The following DGUOK variants were observed in gnomAD, a reference collection of about 807,000 sequenced individuals.
DGUOK encodes the protein deoxyguanosine kinase.
In DGUOK, 30 loss-of-function variants were observed where a neutral mutation model predicts 36.6. The ratio of observed to expected loss-of-function variants is 0.82; its 90% CI spans 0.61 to 1.11. The LOEUF (loss-of-function observed/expected upper bound fraction) is 1.11, where lower values mean the gene tolerates loss of function less well. Ranked by LOEUF, DGUOK falls within the 50% of genes most tolerant of loss-of-function variation. The pLI is 0.00. For missense variants in DGUOK, 361 were observed against 336.4 expected (o/e 1.07, Z -0.57); for synonymous variants, 145 against 126.3 (o/e 1.15, Z -0.99).
At chr2:73,956,974 T>TGGTC in intron 4 of DGUOK, 151 bp from the exon 5 acceptor site, 1 of 528,408 alleles carries the variant, frequency 1.9e-6, no homozygotes, top group Non-Finnish European at 3.5e-6. Context: ...GTAGATCCTC[T>TGGTC]GATTGCATAA....
Position 73,957,391 on chromosome 2 carries a change from T to G in DGUOK, c.707+151T>G, listed in dbSNP as rs1683191348. 10 of 709,010 alleles carry G rather than the reference T, an allele frequency of 1.4e-5. No individual in the cohort carries two copies. The South Asian group carries it at 1.5e-4, about 11-fold the overall frequency. 43.9% of individuals were successfully genotyped at this position (709,010 alleles called of 1,614,324 possible). On this transcript the variant is annotated intron_variant, in intron 5 of 6. Coordinates refer to ENST00000264093, the MANE Select transcript of DGUOK (RefSeq NM_080916.3). ...GTCAAGCATTTTCCAACTCAGAAGT[T>G]TAATATTGCTGGACACCGTGGCTCA... is the stretch of plus-strand genomic sequence containing the variant.
In DGUOK at chr2:73,926,921, G is replaced by T. The variant is rs746100266; in HGVS notation, c.11G>T (p.Gly4Val). 10 of 1,613,310 alleles carry T rather than the reference G, an allele frequency of 6.2e-6. No homozygotes were observed. The highest frequency in any genetic ancestry group is 1.6e-4 in the Middle Eastern group (1 of 6,084). The part of the protein sequence containing the change: MAA[G>V]RLFLSRLRAP... The stretch of plus-strand genomic sequence containing the variant: ...TGAATCGTGGGTGGGATGGCCGCGG[G>T]CCGCCTCTTTCTAAGTCGGCTTCGA... The change falls in exon 1 of 7, where the codon GGC (glycine) becomes GTC (valine). Residue 4 changes from glycine to valine, a missense_variant. Transcript: ENST00000264093.
chr2:73,943,867 G>A (rs1255342376), intron 2 of DGUOK, among the ~76,000 whole-genome samples: 1 of 152,030 alleles, frequency 6.6e-6, no homozygotes, highest in African/African-American at 2.4e-5. Flanking sequence ...GACTGGTCTC[G>A]AATTCCTAAC....
intron 1 of DGUOK, among the ~76,000 whole-genome samples, chr2:73,934,539 G>A (rs192559155): frequency 6.6e-6 from 1 of 152,094 alleles, no homozygotes; most frequent in African/African-American, 2.4e-5. Context: ...GATCACCTGA[G>A]GTCAGGAGTT....
chr2:73,957,191 G>C lies in DGUOK; in HGVS notation c.658G>C (p.Glu220Gln), dbSNP rs863223948. 6.2e-7 allele frequency: 1 copy of C among 1,614,172 alleles called. No homozygotes were observed. Among genetic ancestry groups the C allele is most frequent in the Non-Finnish European group, 8.5e-7 (1 of 1,180,030 alleles). The stretch of plus-strand genomic sequence containing the variant: ...GAAAGGAATTGAGCTGGCCTATCTA[G>C]AGCAGCTGCATGGCCAACACGAAGC... ...EEKGIELAYL[E>Q]QLHGQHEAWL... The change falls in exon 5 of 7, where the codon GAG (glutamate) becomes CAG (glutamine). Residue 220 changes from glutamate to glutamine, a missense_variant. Transcript: ENST00000264093.
intron 5 of DGUOK, 149 bp downstream of exon 5, chr2:73,957,389 G>A: frequency 1.4e-6 from 1 of 711,586 alleles, no homozygotes; most frequent in South Asian, 1.5e-5. Context: ...CAACTCAGAA[G>A]TTTAATATTG....
intron 4 of DGUOK, among the ~76,000 whole-genome samples, chr2:73,951,492 T>A (rs1682701418): frequency 6.6e-6 from 1 of 152,146 alleles, no homozygotes; most frequent in South Asian, 2.1e-4. Context: ...TCTCAGCTTT[T>A]GAGATATACA....
At position 73,950,707 on chromosome 2, in the gene DGUOK, T is replaced by C. The variant is rs936143906; in HGVS notation, c.566T>C (p.Phe189Ser). 1.2e-6 allele frequency: 2 copies of C among 1,614,116 alleles called. No individual in the cohort carries two copies. Among genetic ancestry groups the C allele is most frequent in the Non-Finnish European group, 1.7e-6 (2 of 1,180,038 alleles). Residue 189 changes from phenylalanine to serine, a missense_variant, in exon 4 of 7, where the codon TTC (phenylalanine) becomes TCC (serine). Coordinates refer to ENST00000264093, the MANE Select transcript of DGUOK (RefSeq NM_080916.3). ...GCCAGCCGGATCACATTACATGGCT[T>C]CATCTACCTCCAGGCTTCTCCCCAG... ...EFASRITLHG[F>S]IYLQASPQVC... is the part of the protein sequence containing the mutation.
At chr2:73,957,959 CCT>C in intron 5 of DGUOK, 185 bp from the exon 6 acceptor site, 1 of 526,336 alleles carries the variant, frequency 1.9e-6, no homozygotes, top group Non-Finnish European at 3.5e-6. Flanking sequence ...TGAAGAGAAA[CCT>C]CAACCTTTCT....
chr2:73,953,509 T>C (rs892451230), intron 4 of DGUOK, among the ~76,000 whole-genome samples: 2 of 152,076 alleles, frequency 1.3e-5, no homozygotes, highest in African/African-American at 4.8e-5. Context: ...CCCATGTTTC[T>C]TCCCTGAAGT....
At chr2:73,936,611 C>G (rs1215896931) in intron 1 of DGUOK, among the ~76,000 whole-genome samples, 1 of 152,184 alleles carries the variant, frequency 6.6e-6, no homozygotes, top group Non-Finnish European at 1.5e-5. Flanking sequence ...AGGATGCCCC[C>G]CTTCTTTCCC....
intron 5 of DGUOK, 86 bp from the exon 6 acceptor site, chr2:73,958,060 T>C: frequency 9.8e-7 from 1 of 1,024,784 alleles, no homozygotes; most frequent in South Asian, 1.3e-5. Flanking sequence ...AGATCTGTTC[T>C]CTGAGTAAGA....
At chr2:73,956,977 T>C (rs1683146429) in intron 4 of DGUOK, 148 bp from the exon 5 acceptor site, 1 of 534,746 alleles carries the variant, frequency 1.9e-6, no homozygotes, top group Non-Finnish European at 3.5e-6. Flanking sequence ...GATCCTCTGA[T>C]TGCATAAGAA....
At chr2:73,943,316 C>T (rs921051383) in intron 2 of DGUOK, among the ~76,000 whole-genome samples, 24 of 79,694 alleles carry the variant, frequency 3.0e-4, no homozygotes, top group African/African-American at 9.1e-4. Context: ...TCCCCATCTA[C>T]TTAAAAATTT....
intron 2 of DGUOK, among the ~76,000 whole-genome samples, chr2:73,943,223 TC>T (rs1682026828): frequency 6.6e-6 from 1 of 152,164 alleles, no homozygotes; most frequent in Non-Finnish European, 1.5e-5. Flanking sequence ...TGATCATAGC[TC>T]ACTGCAGCCT....
intron 4 of DGUOK, among the ~76,000 whole-genome samples, chr2:73,954,390 C>T (rs1682934941): frequency 6.6e-6 from 1 of 151,108 alleles, no homozygotes; most frequent in South Asian, 2.1e-4. Context: ...GCAACTCAGG[C>T]CGGGCACGGT....
rs186314720 is a variant in DGUOK at position 73,936,778 on chromosome 2, T to C, written c.143-2132T>C. The stretch of plus-strand genomic sequence containing the variant: ...GCTAGGTCATTAGGTTGTAATTTGT[T>C]TTCTACCCTGGAGGAGCCCCATCCT... On this transcript the variant is annotated intron_variant, in intron 1 of 6. Coordinates refer to ENST00000264093, the MANE Select transcript of DGUOK (RefSeq NM_080916.3). Among the ~76,000 whole-genome samples the C allele has an allele frequency of 1.7e-3, 256 of 152,314 alleles. 1 individual carries two copies. The highest frequency in any genetic ancestry group is 5.9e-3 in the African/African-American group (244 of 41,562).
At chr2:73,946,617 A>G (rs754601584) in intron 2 of DGUOK, 102 bp from the exon 3 acceptor site, 8 of 1,069,236 alleles carry the variant, frequency 7.5e-6, no homozygotes, top group Non-Finnish European at 1.1e-5. Flanking sequence ...TTCATTGATT[A>G]TTAAACCTGT....
At chr2:73,948,182 A>G (rs1682470274) in intron 3 of DGUOK, among the ~76,000 whole-genome samples, 1 of 152,188 alleles carries the variant, frequency 6.6e-6, no homozygotes, top group South Asian at 2.1e-4. Flanking sequence ...CTCCCAAGCC[A>G]TGCCTCTCGG....
Sources: allele counts gnomAD v4.1 joint callset (sites outside exome capture counted in the v4.1 genomes callset), GRCh38; gene constraint gnomAD v4.1.1; transcripts MANE v1.5; gene names NCBI Gene and HGNC (gene_info 2026-07-23, HGNC 2026-07-21).